The following C11orf65 variants were observed in gnomAD, a reference collection of about 807,000 sequenced individuals.
The protein encoded by C11orf65 is protein MFI.
In C11orf65, 38 loss-of-function variants were observed where a neutral mutation model predicts 35.3. The ratio of observed to expected loss-of-function variants is 1.08; its 90% CI spans 0.83 to 1.41. The LOEUF (loss-of-function observed/expected upper bound fraction) is 1.41, where lower values mean the gene tolerates loss of function less well. C11orf65 is among the 40% of genes most tolerant of loss of function. C11orf65 has a pLI of 0.00. For missense variants in C11orf65, 370 were observed against 367.1 expected, an observed-to-expected ratio of 1.01 and a Z score of -0.06; for synonymous variants, 105 against 114.4, an observed-to-expected ratio of 0.92 and a Z score of 0.53.
chr11:108,461,487 T>C lies in C11orf65; in HGVS notation c.73A>G (p.Ser25Gly). 1 of 1,606,502 alleles carries C rather than the reference T, an allele frequency of 6.2e-7. No individual in the cohort carries two copies. Among genetic ancestry groups the C allele is most frequent in the Non-Finnish European group, 8.5e-7 (1 of 1,175,862 alleles). ...AARVIQQAWK[S>G]FLNVAIFQHF... ...CTTCTAAATAAACTCACAAGGAAAC[T>C]TTTCCAGGCCTGCTGAATGACTCTG... The change falls in exon 2 of 9, where the codon AGT becomes GGT. Residue 25 changes from serine to glycine, a missense_variant. By Grantham distance (56) the Ser-to-Gly change is moderately conservative. Transcript: ENST00000393084.
At chr11:108,435,127 CT>C (rs1402488159) in intron 2 of C11orf65, among the ~76,000 whole-genome samples, 4 of 152,116 alleles carry the variant, frequency 2.6e-5, no homozygotes, top group African/African-American at 7.2e-5. Flanking sequence ...ATGGAAGTGG[CT>C]CCCTCTCAAT....
At chr11:108,360,293 G>A (rs1166635937) in intron 2 of C11orf65, among the ~76,000 whole-genome samples, 1 of 152,044 alleles carries the variant, frequency 6.6e-6, no homozygotes, top group Admixed American at 6.5e-5. Flanking sequence ...CTGAAATTGT[G>A]GCAATAATCA....
chr11:108,430,356 G>A (rs190973328), intron 3 of C11orf65, among the ~76,000 whole-genome samples: 3 of 148,862 alleles, frequency 2.0e-5, no homozygotes, highest in Non-Finnish European at 3.0e-5. Flanking sequence ...AGCCAGGGTG[G>A]TCTCGATCTC....
At chr11:108,394,199 AGAC>A in intron 6 of C11orf65, among the ~76,000 whole-genome samples, 1 of 150,824 alleles carries the variant, frequency 6.6e-6, no homozygotes, top group East Asian at 2.0e-4. Flanking sequence ...AAAAAAAAAA[AGAC>A]ACAGCCATTT....
At chr11:108,340,859 A>G (rs1365131484) in intron 2 of C11orf65, among the ~76,000 whole-genome samples, 2 of 152,176 alleles carry the variant, frequency 1.3e-5, no homozygotes, top group Non-Finnish European at 2.9e-5. Context: ...AATACCTTAT[A>G]TAGTGTAAAT....
intron 6 of C11orf65, among the ~76,000 whole-genome samples, chr11:108,403,416 T>C (rs1257644519): frequency 1.4e-5 from 2 of 145,498 alleles, no homozygotes; most frequent in Admixed American, 1.4e-4. Context: ...GAGGTTTTTT[T>C]TTTGTTTTTT....
intron 1 of C11orf65, among the ~76,000 whole-genome samples, chr11:108,463,744 C>T (rs1453921758): frequency 6.6e-6 from 1 of 152,040 alleles, no homozygotes; most frequent in Non-Finnish European, 1.5e-5. Flanking sequence ...CCACCATAGC[C>T]ACTCAATAAA....
intron 2 of C11orf65, among the ~76,000 whole-genome samples, chr11:108,451,699 A>T (rs1410104317): frequency 2.0e-5 from 3 of 152,180 alleles, no homozygotes; most frequent in Non-Finnish European, 2.9e-5. Flanking sequence ...CATTGCCAAG[A>T]CAATCCTAAG....
At chr11:108,329,929 T>C (rs1206738218), downstream of C11orf65, among the ~76,000 whole-genome samples, 2 of 152,250 alleles carry the variant, frequency 1.3e-5, no homozygotes, top group Non-Finnish European at 2.9e-5. Context: ...ATTAAATCCC[T>C]TTATTTAAGC....
intron 3 of C11orf65, among the ~76,000 whole-genome samples, chr11:108,416,379 C>T (rs1007286358): frequency 1.3e-5 from 2 of 152,022 alleles, no homozygotes; most frequent in African/African-American, 4.8e-5. Context: ...TAAGGAATTA[C>T]AAATTAAAAC....
intron 2 of C11orf65, among the ~76,000 whole-genome samples, chr11:108,434,205 A>G (rs1412194725): frequency 6.6e-6 from 1 of 152,150 alleles, no homozygotes; most frequent in African/African-American, 2.4e-5. Context: ...TGGTCATAGC[A>G]GTAGGAATGG....
chr11:108,462,970 A>G (rs2093490198), intron 1 of C11orf65, among the ~76,000 whole-genome samples: 1 of 152,106 alleles, frequency 6.6e-6, no homozygotes, highest in Non-Finnish European at 1.5e-5. Flanking sequence ...CAACAGCAAC[A>G]ACAACAAAAA....
intron 2 of C11orf65, among the ~76,000 whole-genome samples, chr11:108,451,833 G>A (rs936991524): frequency 9.2e-5 from 14 of 152,144 alleles, no homozygotes; most frequent in South Asian, 2.1e-4. Flanking sequence ...ACAGAACAAA[G>A]TTCTCAGAAA....
intron 6 of C11orf65, among the ~76,000 whole-genome samples, chr11:108,403,489 C>T (rs1388200870): frequency 1.5e-5 from 2 of 130,906 alleles, no homozygotes; most frequent in African/African-American, 5.8e-5. Context: ...ATGTTTTATC[C>T]CGGTCTATGG....
rs552538908 is a variant in C11orf65 at position 108,451,221 on chromosome 11, CTG to C, written c.81+10256_81+10257del. Reference sequence around the variant, plus strand: ...AGGAAGAGAGGAAGTCAAATTGTCTCTGTTTGCAGACGACATGATTGTATATT... The same window carrying C: ...AGGAAGAGAGGAAGTCAAATTGTCTCTTTGCAGACGACATGATTGTATATT... On this transcript the variant is annotated intron_variant, in intron 2 of 8. Coordinates refer to ENST00000393084, the MANE Select transcript of C11orf65 (RefSeq NM_152587.5). Among the ~76,000 whole-genome samples, 314 of 152,088 alleles carry C rather than the reference CTG, an allele frequency of 2.1e-3. 6 individuals are homozygous for C. The highest frequency in any genetic ancestry group is 7.1e-3 in the African/African-American group (293 of 41,370).
At chr11:108,321,537 CTTT>C in intron 6 of C11orf65, 1 of 1,452,022 alleles carries the variant, frequency 6.9e-7, no homozygotes, top group Admixed American at 1.7e-5. Context: ...AATCCTAGCA[CTTT>C]AGAAGGCTGA....
intron 2 of C11orf65, among the ~76,000 whole-genome samples, chr11:108,445,075 C>T (rs749910682): frequency 3.3e-5 from 5 of 152,162 alleles, no homozygotes; most frequent in Non-Finnish European, 7.3e-5. Context: ...CTGCCATTGC[C>T]CAGGCTTGAT....
intron 2 of C11orf65, chr11:108,355,500 T>TGCCA: frequency 6.5e-6 from 1 of 154,942 alleles, no homozygotes; most frequent in South Asian, 2.0e-4. Context: ...TTAGTACCTA[T>TGCCA]GCCAGTCATT....
intron 6 of C11orf65, among the ~76,000 whole-genome samples, chr11:108,325,089 CCT>C (rs1453542129): frequency 2.0e-5 from 3 of 152,038 alleles, no homozygotes; most frequent in Non-Finnish European, 4.4e-5. Context: ...TCATCTGTGA[CCT>C]CTCTGCTAAT....
Sources: gnomAD v4.1 joint callset for allele counts (sites outside exome capture counted in the v4.1 genomes callset) on GRCh38, gnomAD v4.1.1 for gene constraint, MANE v1.5 for transcripts, NCBI Gene and HGNC (gene_info 2026-07-23, HGNC 2026-07-21) for gene names.